Variants in PRIM2 observed in about 807,000 individuals in gnomAD.
PRIM2 encodes the protein DNA primase subunit 2.
A neutral mutation model predicts 67.3 loss-of-function variants in PRIM2; 39 were observed. The observed-to-expected ratio is 0.58, with a 90% CI of 0.45 to 0.76. PRIM2 has a LOEUF of 0.76. Ranked by LOEUF, PRIM2 falls within the 30% of genes least tolerant of loss-of-function variation. The probability of loss-of-function intolerance (pLI) is 0.00; values close to 1 mark genes in which losing one functional copy is unlikely to be tolerated. For missense variants in PRIM2, 398 were observed against 598.7 expected (o/e 0.66, Z 3.50); for synonymous variants, 143 against 198.7 (o/e 0.72, Z 2.36).
chr6:57,579,191 C>A, intron 10 of PRIM2, among the ~76,000 whole-genome samples: 1 of 146,222 alleles, frequency 6.8e-6, no homozygotes, highest in African/African-American at 2.5e-5. Flanking sequence ...CTCTCTTGAT[C>A]TCCTTCAGAG....
chr6:57,485,452 G>C (rs1434402191), intron 7 of PRIM2, among the ~76,000 whole-genome samples: 1 of 152,084 alleles, frequency 6.6e-6, no homozygotes, highest in Non-Finnish European at 1.5e-5. Context: ...AAGGGGTAGA[G>C]ATAGGTCATG....
At chr6:57,423,900 GCT>G (rs989588717) in intron 7 of PRIM2, among the ~76,000 whole-genome samples, 2 of 152,162 alleles carry the variant, frequency 1.3e-5, no homozygotes, top group African/African-American at 4.8e-5. Flanking sequence ...GCATCTTTTG[GCT>G]CTGTTTGAAG....
chr6:57,389,670 C>T (rs2397260), intron 7 of PRIM2, among the ~76,000 whole-genome samples: 2 of 152,130 alleles, frequency 1.3e-5, no homozygotes, highest in South Asian at 2.1e-4. Context: ...CTGTGGCTCA[C>T]TAATTATTTG....
intron 7 of PRIM2, among the ~76,000 whole-genome samples, chr6:57,386,397 G>C (rs1415761792): frequency 2.4e-5 from 3 of 123,002 alleles, no homozygotes; most frequent in African/African-American, 3.3e-5. Flanking sequence ...CAGCTTGGGC[G>C]ACAGAGTGAT....
At chr6:57,285,078 AG>A in the PRIM2 span, among the ~76,000 whole-genome samples, 8 of 152,352 alleles carry the variant, frequency 5.3e-5, no homozygotes, top group East Asian at 1.5e-3. Context: ...ATCAGGAAGA[AG>A]TCGAATCCCT....
chr6:57,369,099 G>T (rs1257659981), intron 5 of PRIM2, among the ~76,000 whole-genome samples: 4 of 152,170 alleles, frequency 2.6e-5, no homozygotes, highest in Non-Finnish European at 4.4e-5. Context: ...CAGCAGGTAG[G>T]GGGTGTATAA....
chr6:57,287,776 G>A, the PRIM2 span, among the ~76,000 whole-genome samples: 8 of 144,870 alleles, frequency 5.5e-5, no homozygotes, highest in Non-Finnish European at 4.6e-5. Context: ...AAAGTAAAAT[G>A]AAAAAAAAAA....
At chr6:57,288,247 T>C in the PRIM2 span, among the ~76,000 whole-genome samples, 1 of 152,198 alleles carries the variant, frequency 6.6e-6, no homozygotes, top group African/African-American at 2.4e-5. Flanking sequence ...TGCTGAGGCT[T>C]GAATAGGCGG....
chr6:57,385,860 T>C (rs1238700952), intron 7 of PRIM2, among the ~76,000 whole-genome samples: 1 of 152,206 alleles, frequency 6.6e-6, no homozygotes, highest in Admixed American at 6.5e-5. Context: ...TTACATGATT[T>C]TGATTCAGCC....
At chr6:57,591,761 T>C (rs1445047535) in intron 10 of PRIM2, among the ~76,000 whole-genome samples, 18 of 152,144 alleles carry the variant, frequency 1.2e-4, no homozygotes. Flanking sequence ...AATCCCCCGT[T>C]TGGAGATTTC....
chr6:57,380,671 GT>G (rs1769932799), intron 6 of PRIM2, among the ~76,000 whole-genome samples: 8 of 151,950 alleles, frequency 5.3e-5, no homozygotes, highest in Non-Finnish European at 1.2e-4. Flanking sequence ...AGTGCCAGTA[GT>G]TTAAAGTCCT....
intron 7 of PRIM2, among the ~76,000 whole-genome samples, chr6:57,469,244 A>G (rs1364514041): frequency 3.9e-5 from 6 of 152,274 alleles, no homozygotes; most frequent in African/African-American, 1.2e-4. Context: ...TGAGAAGCAC[A>G]GTGCCTCCTG....
At chr6:57,523,757 C>T (rs1421322783) in intron 8 of PRIM2, among the ~76,000 whole-genome samples, 2 of 151,762 alleles carry the variant, frequency 1.3e-5, no homozygotes, top group Non-Finnish European at 2.9e-5. Context: ...GCCATGAGAC[C>T]CATAAATCCA....
At chr6:57,419,891 G>A (rs1227773665) in intron 7 of PRIM2, among the ~76,000 whole-genome samples, 2 of 152,044 alleles carry the variant, frequency 1.3e-5, no homozygotes, top group African/African-American at 2.4e-5. Context: ...CTTATACTTC[G>A]TTGATTAGAC....
the PRIM2 span, among the ~76,000 whole-genome samples, chr6:57,264,789 G>A: frequency 6.6e-6 from 1 of 151,748 alleles, no homozygotes; most frequent in South Asian, 2.1e-4. Context: ...GTAGATATAC[G>A]GTTTCACCAT....
chr6:57,514,945 T>C (rs1774451726), intron 8 of PRIM2, among the ~76,000 whole-genome samples: 1 of 152,190 alleles, frequency 6.6e-6, no homozygotes, highest in Admixed American at 6.5e-5. Flanking sequence ...TAGGAAGTTT[T>C]ATGAGAAGCA....
At chr6:57,549,461 A>C (rs1198150342) in intron 10 of PRIM2, among the ~76,000 whole-genome samples, 6 of 152,038 alleles carry the variant, frequency 3.9e-5, no homozygotes, top group Non-Finnish European at 8.8e-5. Context: ...GATAATGATA[A>C]CTATGTAAAC....
At chr6:57,489,243 T>C (rs1390377509) in intron 7 of PRIM2, among the ~76,000 whole-genome samples, 2 of 152,250 alleles carry the variant, frequency 1.3e-5, no homozygotes, top group South Asian at 2.1e-4. Context: ...TTTAAGAGTA[T>C]GTGTGGTGTT....
chr6:57,374,129 G>A (rs1769663496), intron 5 of PRIM2, among the ~76,000 whole-genome samples: 1 of 150,618 alleles, frequency 6.6e-6, no homozygotes, highest in South Asian at 2.1e-4. Flanking sequence ...TCTTTGAACA[G>A]TGGTTTGTAG....
Sources: allele counts gnomAD v4.1 joint callset (sites outside exome capture counted in the v4.1 genomes callset), GRCh38; gene constraint gnomAD v4.1.1; transcripts MANE v1.5; gene names NCBI Gene and HGNC (gene_info 2026-07-23, HGNC 2026-07-21).